RABEPK: variants seen among roughly 807,000 people sequenced by gnomAD.
RABEPK encodes the protein 40 kDa Rab9 effector protein.
Under a neutral mutation model 34.1 loss-of-function variants are expected in RABEPK, and 27 were observed. The observed-to-expected ratio is 0.79, with a 90% confidence interval of 0.58 to 1.09. RABEPK has a LOEUF of 1.09. RABEPK is among the 50% of genes least tolerant of loss of function. The probability of loss-of-function intolerance (pLI) is 0.00; values close to 1 mark genes in which losing one functional copy is unlikely to be tolerated. For synonymous variants in RABEPK, 172 were observed against 169.2 expected, an observed-to-expected ratio of 1.02 and a Z score of -0.13; for missense variants, 449 against 462.6, an observed-to-expected ratio of 0.97 and a Z score of 0.27.
chr9:125,213,549 A>T, intron 4 of RABEPK, 27 bp downstream of exon 4: 1 of 1,592,170 alleles, frequency 6.3e-7, no homozygotes, highest in Non-Finnish European at 8.6e-7. Context: ...TATTTTATTT[A>T]CGTACATACA....
chr9:125,210,152 C>T (rs1448349014), intron 3 of RABEPK, among the ~76,000 whole-genome samples: 2 of 152,214 alleles, frequency 1.3e-5, no homozygotes, highest in Admixed American at 1.3e-4. Context: ...GCCTCTAATC[C>T]CAGCACTTTG....
intron 6 of RABEPK, among the ~76,000 whole-genome samples, chr9:125,231,995 G>T (rs1832217039): frequency 6.7e-6 from 1 of 149,392 alleles, no homozygotes; most frequent in African/African-American, 2.5e-5. Flanking sequence ...CGCCTCCCAG[G>T]TTCAAGCGAT....
At chr9:125,203,600 G>A (rs908573321) in intron 2 of RABEPK, among the ~76,000 whole-genome samples, 26 of 152,324 alleles carry the variant, frequency 1.7e-4, no homozygotes, top group African/African-American at 5.8e-4. Context: ...AGAGGTGGCA[G>A]TTCTTCAACA....
chr9:125,201,806 A>G (rs1231551423), intron 1 of RABEPK, among the ~76,000 whole-genome samples: 2 of 151,434 alleles, frequency 1.3e-5, no homozygotes, highest in East Asian at 2.0e-4. Flanking sequence ...TAGTAAAGAC[A>G]GGGTTTCACC....
chr9:125,200,751 CTTTCCCGACCCCG>C lies in RABEPK; in HGVS notation c.-160_-148del, dbSNP rs1371997648. Reference sequence around the variant, plus strand: ...GCCACTTTGACCGAATCAGCCTGTTCTTTCCCGACCCCGTCTCCTATCCCCTAGAACTGCCACG... The same window carrying C: ...GCCACTTTGACCGAATCAGCCTGTTCTCTCCTATCCCCTAGAACTGCCACG... On this transcript the variant is annotated 5_prime_UTR_variant, in exon 1 of 8. Coordinates refer to ENST00000373538, the MANE Select transcript of RABEPK (RefSeq NM_005833.4). 2 of 471,122 alleles carry C rather than the reference CTTTCCCGACCCCG, an allele frequency of 4.2e-6. No individual in the cohort carries two copies. The highest frequency in any genetic ancestry group is 4.0e-5 in the African/African-American group (2 of 50,102). 29.2% of individuals were successfully genotyped at this position (471,122 alleles called of 1,614,324 possible).
intron 2 of RABEPK, among the ~76,000 whole-genome samples, chr9:125,205,946 A>ATC (rs35136218): frequency 0.46 from 70,458 of 151,794 alleles, 16,900 homozygotes; most frequent in African/African-American, 0.55. Flanking sequence ...GGAAAAGAGA[A>ATC]TTGAGAATGA....
chr9:125,225,446 G>T (rs1831665178), intron 5 of RABEPK, among the ~76,000 whole-genome samples: 1 of 152,074 alleles, frequency 6.6e-6, no homozygotes, highest in Admixed American at 6.6e-5. Flanking sequence ...CACTTTGGGA[G>T]GCCCAGGGGG....
At chr9:125,207,814 C>A in intron 3 of RABEPK, 93 bp downstream of exon 3, 1 of 1,452,250 alleles carries the variant, frequency 6.9e-7, no homozygotes, top group Non-Finnish European at 9.4e-7. Flanking sequence ...AAAACACCAG[C>A]AGGGTTTTCC....
intron 4 of RABEPK, among the ~76,000 whole-genome samples, chr9:125,216,358 A>C (rs1830925646): frequency 6.6e-6 from 1 of 151,866 alleles, no homozygotes; most frequent in African/African-American, 2.4e-5. Flanking sequence ...TCAACAATAT[A>C]TTTGGGGTGT....
At chr9:125,222,374 A>G (rs1831400585) in intron 5 of RABEPK, 1 of 152,002 alleles carries the variant, frequency 6.6e-6, no homozygotes, top group African/African-American at 2.4e-5. Flanking sequence ...AAATTAAATT[A>G]CTGTTAACAT....
Position 125,220,571 on chromosome 9 carries a change from A to G in RABEPK, c.397A>G (p.Ser133Gly). The change falls in exon 5 of 8, where the codon AGC (serine) becomes GGC (glycine). Residue 133 changes from serine (S) to glycine (G), a missense_variant. Ser to Gly is a moderately conservative substitution (Grantham distance 56, BLOSUM62 0). Coordinates refer to ENST00000373538, the MANE Select transcript of RABEPK (RefSeq NM_005833.4). ...GACGTGGACCACGCCAGAAGTGACC[A>G]GCCCCCCACCATCCCCAAGAACATT... ...TRTWTTPEVT[S>G]PPPSPRTFHT... 3.7e-6 allele frequency: 6 copies of G among 1,614,094 alleles called. No individual in the cohort carries two copies. The highest frequency in any genetic ancestry group is 5.1e-6 in the Non-Finnish European group (6 of 1,179,994).
At chr9:125,222,935 G>A (rs1035350735) in intron 5 of RABEPK, among the ~76,000 whole-genome samples, 5 of 152,042 alleles carry the variant, frequency 3.3e-5, no homozygotes, top group African/African-American at 1.2e-4. Flanking sequence ...GTCCCTCAAA[G>A]TGCTGGGATT....
At chr9:125,229,290 A>C (rs1832010316) in intron 6 of RABEPK, among the ~76,000 whole-genome samples, 1 of 151,726 alleles carries the variant, frequency 6.6e-6, no homozygotes. Context: ...AAAATCAGCC[A>C]GGCTTGGTGA....
intron 2 of RABEPK, 89 bp downstream of exon 2, chr9:125,203,155 A>G (rs946617566): frequency 1.1e-5 from 12 of 1,135,172 alleles, no homozygotes; most frequent in Non-Finnish European, 1.6e-5. Context: ...ATCAACAAAA[A>G]GGGGTAGAGA....
chr9:125,212,852 T>G (rs1830677139), intron 3 of RABEPK, among the ~76,000 whole-genome samples: 1 of 151,698 alleles, frequency 6.6e-6, no homozygotes, highest in Non-Finnish European at 1.5e-5. Context: ...TGTATTTTAG[T>G]AGAGATGAGG....
chr9:125,217,391 A>T (rs993962752), intron 4 of RABEPK, among the ~76,000 whole-genome samples: 8 of 151,872 alleles, frequency 5.3e-5, no homozygotes, highest in South Asian at 2.1e-4. Context: ...ATTTTATTTT[A>T]TTTATTTATT....
chr9:125,223,291 T>C (rs1831486756), intron 5 of RABEPK, among the ~76,000 whole-genome samples: 1 of 151,310 alleles, frequency 6.6e-6, no homozygotes, highest in Non-Finnish European at 1.5e-5. Flanking sequence ...TACAAAAAAT[T>C]AGCTGGACGT....
intron 3 of RABEPK, 56 bp downstream of exon 3, chr9:125,207,777 C>G: frequency 6.3e-7 from 1 of 1,589,154 alleles, no homozygotes; most frequent in Non-Finnish European, 8.6e-7. Context: ...GGGCTGTGTG[C>G]TGCTAGCCAT....
At chr9:125,225,970 AAAAAG>A (rs1225095495) in intron 5 of RABEPK, among the ~76,000 whole-genome samples, 13 of 150,404 alleles carry the variant, frequency 8.6e-5, no homozygotes, top group African/African-American at 2.4e-4. Flanking sequence ...TTCAAAAAAA[AAAAAG>A]AAAAAGAAAA....
Sources: gnomAD v4.1 joint callset for allele counts (sites outside exome capture counted in the v4.1 genomes callset) on GRCh38, gnomAD v4.1.1 for gene constraint, MANE v1.5 for transcripts, NCBI Gene and HGNC (gene_info 2026-07-23, HGNC 2026-07-21) for gene names.